The following NIM1K variants were observed in gnomAD, a reference collection of about 807,000 sequenced individuals.
NIM1K encodes serine/threonine-protein kinase NIM1.
A neutral mutation model predicts 37.1 loss-of-function variants in NIM1K; 35 were observed. That is an observed-to-expected ratio of 0.94 (90% CI 0.72 to 1.25). NIM1K has a LOEUF of 1.25. Among genes scored for constraint, NIM1K ranks in the 50% most tolerant of loss-of-function variants. The probability of loss-of-function intolerance (pLI) is 0.00; values close to 1 mark genes in which losing one functional copy is unlikely to be tolerated. For missense variants in NIM1K, 564 were observed against 548.0 expected (o/e 1.03, Z -0.29); for synonymous variants, 234 against 206.6 (o/e 1.13, Z -1.14).
chr5:43,231,184 G>A (rs1438313823), intron 1 of NIM1K, among the ~76,000 whole-genome samples: 2 of 152,138 alleles, frequency 1.3e-5, no homozygotes, highest in Non-Finnish European at 2.9e-5. Flanking sequence ...GGGCATGTTG[G>A]CACAAGCTTG....
At chr5:43,228,186 G>A (rs913153584) in intron 1 of NIM1K, among the ~76,000 whole-genome samples, 8 of 150,228 alleles carry the variant, frequency 5.3e-5, no homozygotes, top group South Asian at 2.1e-4. Context: ...TCGCTCTGTC[G>A]CCCAGGCTGG....
intron 2 of NIM1K, among the ~76,000 whole-genome samples, chr5:43,261,116 G>A (rs59972526): frequency 0.032 from 4,871 of 152,188 alleles, 287 homozygotes; most frequent in African/African-American, 0.11. Flanking sequence ...AATCCTTTGG[G>A]TATATACCCA....
chr5:43,204,254 T>C (rs913549616), intron 1 of NIM1K, among the ~76,000 whole-genome samples: 139 of 150,750 alleles, frequency 9.2e-4, no homozygotes, highest in Middle Eastern at 6.8e-3. Flanking sequence ...TGGCTAATTT[T>C]TGTATTTTTA....
intron 2 of NIM1K, among the ~76,000 whole-genome samples, chr5:43,259,299 T>A (rs1203792458): frequency 2.0e-5 from 3 of 152,226 alleles, no homozygotes; most frequent in African/African-American, 7.2e-5. Flanking sequence ...AAATGGTAGA[T>A]CTACTCTCAG....
intron 2 of NIM1K, 59 bp downstream of exon 2, chr5:43,246,126 G>A: frequency 6.8e-7 from 1 of 1,480,492 alleles, no homozygotes; most frequent in South Asian, 1.3e-5. Context: ...TGTAGGAAAG[G>A]GGTTAGGTGG....
At chr5:43,277,586 C>T (rs1753364771) in intron 3 of NIM1K, among the ~76,000 whole-genome samples, 1 of 152,070 alleles carries the variant, frequency 6.6e-6, no homozygotes, top group South Asian at 2.1e-4. Flanking sequence ...TGAATATCAC[C>T]CACTCCCTGG....
intron 1 of NIM1K, among the ~76,000 whole-genome samples, chr5:43,222,414 C>A (rs1752393175): frequency 6.6e-6 from 1 of 152,076 alleles, no homozygotes; most frequent in Non-Finnish European, 1.5e-5. Context: ...CTCATTCATT[C>A]ACCCCTGAAA....
intron 1 of NIM1K, among the ~76,000 whole-genome samples, chr5:43,206,551 A>T (rs1752115108): frequency 6.6e-6 from 1 of 151,822 alleles, no homozygotes; most frequent in Non-Finnish European, 1.5e-5. Flanking sequence ...AGAAAATCCA[A>T]GAAAGTAAAT....
chr5:43,242,155 C>T (rs944902325), intron 1 of NIM1K, among the ~76,000 whole-genome samples: 10 of 151,992 alleles, frequency 6.6e-5, no homozygotes, highest in African/African-American at 1.5e-4. Context: ...TGTTAGGGTA[C>T]GTAATTCAAG....
chr5:43,206,797 A>G, intron 1 of NIM1K: 1 of 768,166 alleles, frequency 1.3e-6, no homozygotes, highest in Non-Finnish European at 2.4e-6. Context: ...TCCATTTTCC[A>G]GGATCAGGGG....
chr5:43,200,873 C>G (rs1027753409), intron 1 of NIM1K, among the ~76,000 whole-genome samples: 1 of 152,092 alleles, frequency 6.6e-6, no homozygotes, highest in African/African-American at 2.4e-5. Context: ...AGCCTGTAAT[C>G]CCAGCACTTT....
rs1195621975 is a variant in NIM1K, at chr5:43,232,301, G to A, written c.-694-12781G>A. 109 of 1,201,840 alleles carry A rather than the reference G, an allele frequency of 9.1e-5. 1 individual carries two copies. The South Asian group carries it at 1.3e-3, about 14-fold the overall frequency. The allele number at this position is 1,201,840 out of a possible 1,614,324, so 74.4% of individuals were successfully genotyped here. ...GGCAGGCTGAAAGCAAGCACTGGCA[G>A]TCTCTGCTACAGAAAGCTGTTTCAT... On this transcript the variant is annotated intron_variant, in intron 1 of 3. Coordinates refer to ENST00000326035, the MANE Select transcript of NIM1K (RefSeq NM_153361.4).
At chr5:43,230,191 C>T in intron 1 of NIM1K, among the ~76,000 whole-genome samples, 1 of 151,728 alleles carries the variant, frequency 6.6e-6, no homozygotes, top group Non-Finnish European at 1.5e-5. Flanking sequence ...TCTCTCACAT[C>T]ATAATATACA....
chr5:43,232,399 C>T (rs576798114), intron 1 of NIM1K: 1 of 1,431,406 alleles, frequency 7.0e-7, no homozygotes, highest in Admixed American at 1.7e-5. Context: ...AGGCCACCAG[C>T]TTGGTCTGGA....
chr5:43,255,977 A>G (rs1752938773), intron 2 of NIM1K, among the ~76,000 whole-genome samples: 1 of 151,778 alleles, frequency 6.6e-6, no homozygotes, highest in Non-Finnish European at 1.5e-5. Context: ...GAAACAGCTG[A>G]GGGGAAAGGG....
intron 2 of NIM1K, among the ~76,000 whole-genome samples, chr5:43,263,446 G>C (rs1388380714): frequency 1.3e-5 from 2 of 151,720 alleles, no homozygotes; most frequent in Admixed American, 1.3e-4. Context: ...CTGTGGGATC[G>C]GTGGTGATAT....
chr5:43,211,004 T>C (rs912733104), intron 1 of NIM1K, among the ~76,000 whole-genome samples: 3 of 152,036 alleles, frequency 2.0e-5, no homozygotes, highest in African/African-American at 7.3e-5. Context: ...AACCCCCATC[T>C]CTACACAAAA....
chr5:43,256,219 C>CA (rs1189446549), intron 2 of NIM1K, among the ~76,000 whole-genome samples: 6 of 151,422 alleles, frequency 4.0e-5, no homozygotes, highest in Admixed American at 6.6e-5. Flanking sequence ...ACGCAGAAGG[C>CA]AAAAAAAGAG....
intron 1 of NIM1K, chr5:43,232,737 A>C: frequency 8.1e-7 from 1 of 1,232,996 alleles, no homozygotes; most frequent in Non-Finnish European, 1.2e-6. Context: ...ACCCAGAACC[A>C]ATTCCTTCAC....
Sources: gnomAD v4.1 joint callset for allele counts (sites outside exome capture counted in the v4.1 genomes callset) on GRCh38, gnomAD v4.1.1 for gene constraint, MANE v1.5 for transcripts, NCBI Gene and HGNC (gene_info 2026-07-23, HGNC 2026-07-21) for gene names.